Variants in CYP7B1 observed in about 807,000 individuals in gnomAD.
The protein encoded by CYP7B1 is cytochrome P450 family 7 subfamily B member 1, also known as cytochrome P450 7B1.
In CYP7B1, 29 loss-of-function variants were observed where a neutral mutation model predicts 42.7. That is an observed-to-expected ratio of 0.68 (90% CI 0.51 to 0.93). The LOEUF (loss-of-function observed/expected upper bound fraction) is 0.93, where lower values mean the gene tolerates loss of function less well. Ranked by LOEUF, CYP7B1 falls within the 40% of genes least tolerant of loss-of-function variation. CYP7B1 has a pLI of 0.00. For missense variants in CYP7B1, 655 were observed against 600.5 expected, an observed-to-expected ratio of 1.09 and a Z score of -0.95; for synonymous variants, 235 against 218.2, an observed-to-expected ratio of 1.08 and a Z score of -0.68.
At chr8:64,694,462 A>G (rs1806794324) in intron 1 of CYP7B1, among the ~76,000 whole-genome samples, 1 of 152,172 alleles carries the variant, frequency 6.6e-6, no homozygotes, top group Non-Finnish European at 1.5e-5. Flanking sequence ...GGAGCTCTGC[A>G]TGAGTCTGAA....
chr8:64,677,167 T>C (rs1034352025), intron 1 of CYP7B1, among the ~76,000 whole-genome samples: 3 of 151,962 alleles, frequency 2.0e-5, no homozygotes, highest in South Asian at 2.1e-4. Context: ...GGAAAAAATA[T>C]ACACTGTGGC....
chr8:64,642,182 A>G lies in CYP7B1; in HGVS notation c.123-17643T>C, dbSNP rs1805866597. On this transcript the variant is annotated intron_variant, in intron 1 of 5. Coordinates refer to ENST00000310193, the MANE Select transcript of CYP7B1 (RefSeq NM_004820.5). The stretch of plus-strand genomic sequence containing the variant: ...AATACACATATGCATGTATAGATAT[A>G]TAAATATGTAGACATAACTAAAAGT... Among the ~76,000 whole-genome samples, 3 of 152,212 alleles carry G rather than the reference A, an allele frequency of 2.0e-5. 1 individual carries two copies. The South Asian group carries it at 6.2e-4, about 31-fold the overall frequency.
chr8:64,720,278 A>G (rs1204777821), intron 1 of CYP7B1, among the ~76,000 whole-genome samples: 1 of 152,146 alleles, frequency 6.6e-6, no homozygotes, highest in African/African-American at 2.4e-5. Flanking sequence ...TTACATGAAA[A>G]CTGACTTATA....
At chr8:64,656,642 G>T (rs1488832386) in intron 1 of CYP7B1, among the ~76,000 whole-genome samples, 1 of 152,194 alleles carries the variant, frequency 6.6e-6, no homozygotes, top group African/African-American at 2.4e-5. Context: ...GTATTGTTCT[G>T]AATGAGGTCA....
intron 1 of CYP7B1, chr8:64,732,929 C>G (rs1450421947): frequency 1.3e-5 from 2 of 152,410 alleles, no homozygotes; most frequent in African/African-American, 4.8e-5. Context: ...TCTGAGGTCT[C>G]CCCAGTTGTG....
chr8:64,723,054 G>C (rs1331966671), intron 1 of CYP7B1, among the ~76,000 whole-genome samples: 1 of 152,106 alleles, frequency 6.6e-6, no homozygotes, highest in African/African-American at 2.4e-5. Flanking sequence ...ACAATCATTA[G>C]CCCTGAATCA....
chr8:64,645,587 A>G (rs1805938760), intron 1 of CYP7B1, among the ~76,000 whole-genome samples: 1 of 152,240 alleles, frequency 6.6e-6, no homozygotes, highest in Non-Finnish European at 1.5e-5. Flanking sequence ...GCTCGTGGGT[A>G]GGAAGAATCA....
chr8:64,752,275 A>T (rs1044615301), intron 1 of CYP7B1, among the ~76,000 whole-genome samples: 3 of 152,178 alleles, frequency 2.0e-5, no homozygotes, highest in Non-Finnish European at 2.9e-5. Context: ...GAAATTATGT[A>T]AAAAACTATA....
intron 1 of CYP7B1, among the ~76,000 whole-genome samples, chr8:64,681,201 AT>A (rs1278375897): frequency 5.3e-5 from 8 of 152,122 alleles, no homozygotes; most frequent in Non-Finnish European, 8.8e-5. Flanking sequence ...TTTGCACATT[AT>A]TTTTTGGTGG....
intron 1 of CYP7B1, among the ~76,000 whole-genome samples, chr8:64,797,545 C>A (rs1446185783): frequency 1.3e-5 from 2 of 152,176 alleles, no homozygotes; most frequent in Non-Finnish European, 2.9e-5. Context: ...CTAGAGTACT[C>A]ATCTCCAGGC....
chr8:64,728,599 AT>A (rs566423428), intron 1 of CYP7B1, among the ~76,000 whole-genome samples: 57 of 152,350 alleles, frequency 3.7e-4, no homozygotes, highest in Admixed American at 6.5e-4. Flanking sequence ...AAAGCATTGC[AT>A]TTCCTCATAA....
chr8:64,636,286 C>T (rs188792004), intron 1 of CYP7B1, among the ~76,000 whole-genome samples: 2 of 152,266 alleles, frequency 1.3e-5, no homozygotes, highest in East Asian at 1.9e-4. Context: ...CCAACTCCTA[C>T]CTTGGTAACT....
chr8:64,624,581 C>G (rs1482134302), intron 1 of CYP7B1, 42 bp from the exon 2 acceptor site: 19 of 1,606,836 alleles, frequency 1.2e-5, no homozygotes, highest in Non-Finnish European at 1.6e-5. Flanking sequence ...AAAGAAAAAT[C>G]AAATCATTCT....
At chr8:64,600,742 T>G (rs1261642687) in intron 5 of CYP7B1, among the ~76,000 whole-genome samples, 1 of 152,102 alleles carries the variant, frequency 6.6e-6, no homozygotes, top group Non-Finnish European at 1.5e-5. Context: ...CTACGAAAAT[T>G]GACAAACACT....
rs535003150 is a variant in CYP7B1 at position 64,592,167 on chromosome 8, G to A, written c.*4475C>T. ...CATGCCACTGGACTCCAGCCTGGGC[G>A]ACAGAGCAAGACTCCATCTAAAAAA... On this transcript the variant is annotated 3_prime_UTR_variant, in exon 6 of 6. Coordinates refer to ENST00000310193, the MANE Select transcript of CYP7B1 (RefSeq NM_004820.5). 2.0e-4 allele frequency among the ~76,000 whole-genome samples: 30 copies of A among 150,934 alleles called. No homozygotes were observed. Among genetic ancestry groups the A allele is most frequent in the Non-Finnish European group, 3.2e-4 (22 of 67,896 alleles).
At chr8:64,643,734 T>C (rs1042512558) in intron 1 of CYP7B1, among the ~76,000 whole-genome samples, 1 of 152,186 alleles carries the variant, frequency 6.6e-6, no homozygotes, top group African/African-American at 2.4e-5. Flanking sequence ...AATTATGAAA[T>C]ACCCTAAATC....
intron 1 of CYP7B1, among the ~76,000 whole-genome samples, chr8:64,781,319 C>G (rs1051602688): frequency 1.3e-5 from 2 of 152,110 alleles, no homozygotes; most frequent in African/African-American, 4.8e-5. Flanking sequence ...CACTAGTTTT[C>G]TAAGAATGTT....
At chr8:64,622,675 G>A (rs1805549211) in intron 2 of CYP7B1, among the ~76,000 whole-genome samples, 1 of 152,188 alleles carries the variant, frequency 6.6e-6, no homozygotes. Flanking sequence ...GGTTATAAGT[G>A]ATGGTAAGAG....
At chr8:64,702,279 T>C (rs1806928560) in intron 1 of CYP7B1, among the ~76,000 whole-genome samples, 3 of 152,034 alleles carry the variant, frequency 2.0e-5, no homozygotes, top group African/African-American at 7.2e-5. Flanking sequence ...CTATAGTAGT[T>C]ATGAAATTGT....
Sources: gnomAD v4.1 joint callset for allele counts (sites outside exome capture counted in the v4.1 genomes callset) on GRCh38, gnomAD v4.1.1 for gene constraint, MANE v1.5 for transcripts, NCBI Gene and HGNC (gene_info 2026-07-23, HGNC 2026-07-21) for gene names.